NELL2: variants seen among roughly 807,000 people sequenced by gnomAD.
NELL2 encodes neural EGFL like 2.
Under a neutral mutation model 109.6 loss-of-function variants are expected in NELL2, and 41 were observed. The observed-to-expected ratio is 0.37, with a 90% CI of 0.29 to 0.49. NELL2 has a LOEUF of 0.49. Among genes scored for constraint, NELL2 ranks in the 20% least tolerant of loss-of-function variants. NELL2 has a pLI of 0.98. For missense variants in NELL2, 900 were observed against 1,008.3 expected (o/e 0.89, Z 1.45); for synonymous variants, 355 against 344.7 (o/e 1.03, Z -0.33).
chr12:44,693,217 T>C (rs1323049278), intron 12 of NELL2, among the ~76,000 whole-genome samples: 1 of 152,170 alleles, frequency 6.6e-6, no homozygotes, highest in Non-Finnish European at 1.5e-5. Context: ...TCAGCAAAAA[T>C]ATTATTATGA....
chr12:44,516,436 CAG>C (rs1755516868), intron 19 of NELL2, among the ~76,000 whole-genome samples: 1 of 152,048 alleles, frequency 6.6e-6, no homozygotes. Flanking sequence ...ATGATATTAA[CAG>C]TGCACAAAAA....
chr12:44,807,190 A>G (rs902252091), intron 3 of NELL2, among the ~76,000 whole-genome samples: 2 of 151,822 alleles, frequency 1.3e-5, no homozygotes, highest in Non-Finnish European at 2.9e-5. Flanking sequence ...AAAGAAAAAA[A>G]TTAAGTGCTC....
intron 2 of NELL2, among the ~76,000 whole-genome samples, chr12:44,836,757 G>T (rs1217321832): frequency 6.6e-6 from 1 of 152,198 alleles, no homozygotes; most frequent in Non-Finnish European, 1.5e-5. Flanking sequence ...AGAGTGAGGG[G>T]TCTACAATGC....
At chr12:44,742,006 T>A (rs1244559508) in intron 9 of NELL2, among the ~76,000 whole-genome samples, 1 of 152,200 alleles carries the variant, frequency 6.6e-6, no homozygotes, top group Non-Finnish European at 1.5e-5. Context: ...ACTGGCAGAC[T>A]GCCTCCTCAA....
chr12:44,786,587 T>C (rs752834961), intron 3 of NELL2, among the ~76,000 whole-genome samples: 75 of 152,294 alleles, frequency 4.9e-4, no homozygotes, highest in East Asian at 4.2e-3. Flanking sequence ...GTATGTTTTC[T>C]GCAGCACTAT....
chr12:44,622,841 G>T (rs1463764330), intron 13 of NELL2, among the ~76,000 whole-genome samples: 5 of 152,060 alleles, frequency 3.3e-5, no homozygotes, highest in African/African-American at 1.2e-4. Context: ...CTTTCTTAGA[G>T]TATGTTATTT....
At chr12:44,746,877 G>T (rs1325782929) in intron 9 of NELL2, among the ~76,000 whole-genome samples, 2 of 152,160 alleles carry the variant, frequency 1.3e-5, no homozygotes, top group Admixed American at 6.5e-5. Flanking sequence ...CAACCATTGT[G>T]GAAGTCAGTG....
chr12:44,780,807 AAAAG>A (rs1941930625), intron 3 of NELL2, among the ~76,000 whole-genome samples: 1 of 152,086 alleles, frequency 6.6e-6, no homozygotes, highest in Admixed American at 6.6e-5. Flanking sequence ...ACTCAGAAAT[AAAAG>A]AAGCTTCCCC....
At chr12:44,600,871 T>A (rs1022610944) in intron 15 of NELL2, among the ~76,000 whole-genome samples, 1 of 152,192 alleles carries the variant, frequency 6.6e-6, no homozygotes, top group Admixed American at 6.5e-5. Context: ...ATACAATATG[T>A]ACATAATGTT....
intron 15 of NELL2, among the ~76,000 whole-genome samples, 183 bp from the exon 16 acceptor site, chr12:44,532,904 C>G (rs551650029): frequency 1.3e-5 from 2 of 152,262 alleles, no homozygotes; most frequent in Admixed American, 6.5e-5. Context: ...TTATTAGTAA[C>G]AGGAGAAACA....
chr12:44,668,415 C>CA (rs1948014771), intron 12 of NELL2, among the ~76,000 whole-genome samples: 1 of 152,100 alleles, frequency 6.6e-6, no homozygotes, highest in Admixed American at 6.5e-5. Flanking sequence ...TGAGGATAGG[C>CA]TTGTCCCACC....
intron 9 of NELL2, among the ~76,000 whole-genome samples, chr12:44,767,012 T>C (rs1005575844): frequency 3.3e-5 from 5 of 152,204 alleles, no homozygotes; most frequent in Non-Finnish European, 5.9e-5. Flanking sequence ...CTGTCTATTA[T>C]TTTTTAATAA....
rs536219679 is a variant in NELL2, at chr12:44,556,591, G to A, written c.1664-23870C>T. 1.4e-4 allele frequency among the ~76,000 whole-genome samples: 21 copies of A among 152,268 alleles called. No homozygotes were observed. The South Asian group carries it at 3.7e-3, about 27-fold the overall frequency. ...AGAAACAGACACTGGCACTTTAATAGCAAACTGGGCCTCCTCCATGGATGT... is the reference window on the plus strand; with the variant it reads ...AGAAACAGACACTGGCACTTTAATAACAAACTGGGCCTCCTCCATGGATGT... On this transcript the variant is annotated intron_variant, in intron 15 of 19. Coordinates refer to ENST00000429094, the MANE Select transcript of NELL2 (RefSeq NM_001145108.2).
intron 9 of NELL2, among the ~76,000 whole-genome samples, chr12:44,736,079 T>C (rs60255313): frequency 0.072 from 10,741 of 149,786 alleles, 1,268 homozygotes; most frequent in African/African-American, 0.25. Flanking sequence ...GGCGCGATCT[T>C]GACTCACTGC....
At chr12:44,639,473 GT>G (rs1473356049) in intron 13 of NELL2, among the ~76,000 whole-genome samples, 2 of 152,098 alleles carry the variant, frequency 1.3e-5, no homozygotes, top group Non-Finnish European at 2.9e-5. Context: ...AAGACCTTAA[GT>G]TCCTTCATTG....
At chr12:44,525,127 T>C (rs963482187) in intron 16 of NELL2, among the ~76,000 whole-genome samples, 4 of 152,230 alleles carry the variant, frequency 2.6e-5, no homozygotes, top group Non-Finnish European at 5.9e-5. Context: ...TATGGTCTAC[T>C]ATAAGGACAT....
intron 15 of NELL2, among the ~76,000 whole-genome samples, chr12:44,582,451 A>G (rs1944355011): frequency 6.6e-6 from 1 of 152,212 alleles, no homozygotes. Context: ...TGATTAACCA[A>G]TCAAAGTGGT....
intron 15 of NELL2, among the ~76,000 whole-genome samples, chr12:44,601,039 T>A (rs1249922586): frequency 2.6e-5 from 4 of 152,108 alleles, no homozygotes; most frequent in African/African-American, 4.8e-5. Flanking sequence ...AATGATCTAT[T>A]GAAAAAAATA....
At chr12:44,685,936 A>G (rs375182840) in intron 12 of NELL2, among the ~76,000 whole-genome samples, 12 of 152,084 alleles carry the variant, frequency 7.9e-5, no homozygotes, top group South Asian at 4.2e-4. Flanking sequence ...GGCGTTCTCT[A>G]TATTTCCTGA....
Sources: gnomAD v4.1 joint callset for allele counts (sites outside exome capture counted in the v4.1 genomes callset) on GRCh38, gnomAD v4.1.1 for gene constraint, MANE v1.5 for transcripts, NCBI Gene and HGNC (gene_info 2026-07-23, HGNC 2026-07-21) for gene names.